The following IK variants were observed in gnomAD, a reference collection of about 807,000 sequenced individuals.
IK encodes IK cytokine, also known as protein Red.
A neutral mutation model predicts 90.9 loss-of-function variants in IK; 47 were observed. The ratio of observed to expected loss-of-function variants is 0.52; its 90% CI spans 0.41 to 0.66. The LOEUF (loss-of-function observed/expected upper bound fraction) is 0.66, where lower values mean the gene tolerates loss of function less well. Among genes scored for constraint, IK ranks in the 30% least tolerant of loss-of-function variants. The pLI is 0.00. For missense variants in IK, 385 were observed against 709.3 expected, an observed-to-expected ratio of 0.54 and a Z score of 5.19; for synonymous variants, 201 against 227.5, an observed-to-expected ratio of 0.88 and a Z score of 1.05.
chr5:140,647,959 G>C, intron 1 of IK, 35 bp downstream of exon 1: 1 of 1,605,880 alleles, frequency 6.2e-7, no homozygotes, highest in Non-Finnish European at 8.5e-7. Context: ...TCTTCCCCAT[G>C]GCACTTGGGG....
intron 15 of IK, chr5:140,660,510 C>T: frequency 3.7e-6 from 2 of 544,288 alleles, no homozygotes; most frequent in Non-Finnish European, 3.2e-6. Context: ...GTTGGTGAGG[C>T]TGGTCTTGAA....
intron 10 of IK, 33 bp downstream of exon 10, chr5:140,657,695 C>T: frequency 7.1e-7 from 1 of 1,414,566 alleles, no homozygotes; most frequent in South Asian, 1.2e-5. Flanking sequence ...AAGCCTTACC[C>T]ACAGAGGACG....
chr5:140,660,292 CTTTTTTTTTTTTT>C, intron 15 of IK, 97 bp downstream of exon 15: 1 of 280,890 alleles, frequency 3.6e-6, no homozygotes, highest in South Asian at 2.8e-5. Flanking sequence ...AGGGCTACTT[CTTTTTTTTTTTTT>C]TTTTTTTTTG....
chr5:140,648,007 GGTGTGTGTGT>G (rs762057029), intron 1 of IK, 83 bp downstream of exon 1: 255 of 931,488 alleles, frequency 2.7e-4, no homozygotes, highest in African/African-American at 2.0e-3. Context: ...GCTTAAGCCG[GGTGTGTGTGT>G]GTGTGTGTGT....
At chr5:140,651,451 A>AG (rs1757614442) in intron 2 of IK, among the ~76,000 whole-genome samples, 1 of 150,424 alleles carries the variant, frequency 6.6e-6, no homozygotes, top group Non-Finnish European at 1.5e-5. Context: ...AAAAAAAAAA[A>AG]AAAAGCTGGG....
chr5:140,651,570 C>G, intron 2 of IK, 144 bp from the exon 3 acceptor site: 2 of 557,928 alleles, frequency 3.6e-6, no homozygotes, highest in Non-Finnish European at 6.4e-6. Flanking sequence ...AGTGAGACTC[C>G]GTCTCAAAAA....
At chr5:140,660,889 C>CT in intron 16 of IK, 74 bp downstream of exon 16, 1 of 1,141,878 alleles carries the variant, frequency 8.8e-7, no homozygotes, top group African/African-American at 1.5e-5. Flanking sequence ...TTCCCCACTC[C>CT]TAAAAAATCT....
intron 19 of IK, 30 bp downstream of exon 19, chr5:140,662,243 C>G: frequency 6.2e-7 from 1 of 1,613,930 alleles, no homozygotes; most frequent in Non-Finnish European, 8.5e-7. Flanking sequence ...CTCTGTGGGA[C>G]TGGTGGGAAT....
chr5:140,648,593 G>T, intron 2 of IK, 56 bp downstream of exon 2: 1 of 1,481,082 alleles, frequency 6.8e-7, no homozygotes, highest in Non-Finnish European at 9.4e-7. Context: ...TAGAAAAGTG[G>T]TGGTGATGGT....
rs1757758191 is a variant in IK at position 140,659,056 on chromosome 5, A to AGAGCGAGAGCGAGAACGAGATCGG, written c.1071_1094dup (p.Arg368_Glu375dup). 1 of 1,611,280 alleles carries AGAGCGAGAGCGAGAACGAGATCGG rather than the reference A, an allele frequency of 6.2e-7. No homozygotes were observed. The highest frequency in any genetic ancestry group is 8.5e-7 in the Non-Finnish European group (1 of 1,177,660). On this transcript the variant is annotated inframe_insertion, in exon 12 of 20. Transcript: ENST00000417647. ...GGGAAAGAGACAGAGACCGTGACCG[A>AGAGCGAGAGCGAGAACGAGATCGG]GAGCGAGAGCGAGAACGAGATCGGG...
At chr5:140,656,438 G>A (rs971278238) in intron 9 of IK, among the ~76,000 whole-genome samples, 20 of 152,102 alleles carry the variant, frequency 1.3e-4, no homozygotes, top group Admixed American at 1.2e-3. Context: ...ATCCGCCTTG[G>A]CCTCCCAAAG....
At position 140,660,141 on chromosome 5, in the gene IK, A is replaced by C; in HGVS notation, c.1301A>C (p.Gln434Pro). 1 of 1,613,810 alleles carries C rather than the reference A, an allele frequency of 6.2e-7. No individual in the cohort carries two copies. The highest frequency in any genetic ancestry group is 8.5e-7 in the Non-Finnish European group (1 of 1,179,782). ...CTGAAGAAGCCAGAAGACAAAAAGC[A>C]GCTGGGAGATTTCTTTGGCATGTCC... ...ESLKKPEDKK[Q>P]LGDFFGMSNS... The change falls in exon 15 of 20, where the codon CAG (glutamine) becomes CCG (proline). Residue 434 changes from glutamine (Q) to proline (P), a missense_variant. This residue lies in a region of IK where 139 missense variants were observed against 172.0 expected (regional missense o/e 0.81). Transcript: ENST00000417647.
chr5:140,659,888 C>A, intron 14 of IK, 54 bp downstream of exon 14: 3 of 1,285,340 alleles, frequency 2.3e-6, no homozygotes, highest in Non-Finnish European at 3.3e-6. Context: ...CTCTTTACTC[C>A]AACCCCCCCT....
At chr5:140,652,404 T>C (rs1757628666) in intron 4 of IK, among the ~76,000 whole-genome samples, 1 of 152,158 alleles carries the variant, frequency 6.6e-6, no homozygotes, top group Non-Finnish European at 1.5e-5. Context: ...AGAATGGAGA[T>C]ACAGTAGCAA....
In IK at chr5:140,648,044, GTA is replaced by G. The variant is rs1554104176; in HGVS notation, c.16+122_16+123del. 7,688 of 395,770 alleles carry G rather than the reference GTA, an allele frequency of 0.019. 147 individuals carry two copies. Among genetic ancestry groups the G allele is most frequent in the African/African-American group, 0.05 (1,388 of 27,978 alleles). 24.5% of individuals were successfully genotyped at this position (395,770 alleles called of 1,614,324 possible). A position where few individuals can be genotyped will look rare whatever the true frequency, so the allele number is the denominator to read the frequency against. ...TGTGTGTGTGTGTGTGTGTGTGTGT[GTA>G]TGTATGTATGTGTGACGCTTGAGCC... is the stretch of plus-strand genomic sequence containing the variant. On this transcript the variant is annotated intron_variant, in intron 1 of 19. Coordinates refer to ENST00000417647, the MANE Select transcript of IK (RefSeq NM_006083.4).
chr5:140,647,860 TTGC>T lies in IK; in HGVS notation c.-46_-44del. ...TGGGAAAGAGCTTGTCGCTGCGGTG[TTGC>T]TGTTGGAGACTCGATTGTTGGTGAC... On this transcript the variant is annotated 5_prime_UTR_variant, in exon 1 of 20. Transcript: ENST00000417647. The T allele has an allele frequency of 6.2e-7, 1 of 1,611,984 alleles. No individual in the cohort carries two copies. Among genetic ancestry groups the T allele is most frequent in the Non-Finnish European group, 8.5e-7 (1 of 1,178,088 alleles).
chr5:140,654,776 C>G (rs370880965), intron 8 of IK, 49 bp downstream of exon 8: 1 of 1,215,184 alleles, frequency 8.2e-7, no homozygotes. Context: ...ATGAATTGTA[C>G]GGAATTTAAT....
intron 10 of IK, among the ~76,000 whole-genome samples, chr5:140,657,987 C>CATTTT (rs1177544096): frequency 6.6e-6 from 1 of 152,174 alleles, no homozygotes; most frequent in Non-Finnish European, 1.5e-5. Context: ...ACTTGACCGA[C>CATTTT]ATTTTATTTT....
intron 4 of IK, among the ~76,000 whole-genome samples, chr5:140,652,409 T>C (rs1038034616): frequency 6.6e-6 from 1 of 152,160 alleles, no homozygotes; most frequent in African/African-American, 2.4e-5. Context: ...GGAGATACAG[T>C]AGCAATAATA....
Sources: gnomAD v4.1 joint callset for allele counts (sites outside exome capture counted in the v4.1 genomes callset) on GRCh38, gnomAD v4.1.1 for gene constraint, gnomAD v4.1.1 regional missense constraint, MANE v1.5 for transcripts, NCBI Gene and HGNC (gene_info 2026-07-23, HGNC 2026-07-21) for gene names.